The following TMEM178B variants were observed in gnomAD, a reference collection of about 807,000 sequenced individuals.
TMEM178B encodes transmembrane protein 178B.
A neutral mutation model predicts 31.0 loss-of-function variants in TMEM178B; 5 were observed. The observed-to-expected ratio is 0.16, with a 90% CI of 0.08 to 0.34. TMEM178B has a LOEUF of 0.34. Among genes scored for constraint, TMEM178B ranks in the 10% least tolerant of loss-of-function variants. The pLI, the probability that TMEM178B is intolerant of heterozygous loss-of-function variation, is 1.00. For synonymous variants in TMEM178B, 164 were observed against 164.0 expected (o/e 1.00, Z 0.00); for missense variants, 275 against 400.3 (o/e 0.69, Z 2.67).
At chr7:141,337,562 G>A (rs73518790) in intron 2 of TMEM178B, among the ~76,000 whole-genome samples, 1 of 152,126 alleles carries the variant, frequency 6.6e-6, no homozygotes, top group Non-Finnish European at 1.5e-5. Flanking sequence ...TAAGTTTAAG[G>A]CCTAGAGATA....
chr7:141,366,541 G>A (rs182423545), intron 2 of TMEM178B, among the ~76,000 whole-genome samples: 1 of 152,250 alleles, frequency 6.6e-6, no homozygotes, highest in East Asian at 1.9e-4. Context: ...ATTTGCTTTG[G>A]GGAGGGGCTT....
chr7:141,463,739 G>A (rs1802101529), intron 3 of TMEM178B, among the ~76,000 whole-genome samples: 1 of 152,234 alleles, frequency 6.6e-6, no homozygotes, highest in African/African-American at 2.4e-5. Flanking sequence ...AAGGCCCTGA[G>A]GTAGGGCAAC....
intron 1 of TMEM178B, among the ~76,000 whole-genome samples, chr7:141,084,777 C>T (rs1341781187): frequency 3.3e-5 from 5 of 152,140 alleles, no homozygotes. Flanking sequence ...TAAATCATAT[C>T]ATATCAGAGA....
In TMEM178B at chr7:141,195,510, C is replaced by T. The variant is rs190740341; in HGVS notation, c.383-17081C>T. 2.2e-3 allele frequency among the ~76,000 whole-genome samples: 331 copies of T among 152,310 alleles called. 1 individual carries two copies. Among genetic ancestry groups the T allele is most frequent in the African/African-American group, 7.3e-3 (305 of 41,568 alleles). On this transcript the variant is annotated intron_variant, in intron 1 of 3. Transcript: ENST00000565468. The stretch of plus-strand genomic sequence containing the variant: ...CATCTGAGACCACCTCAGCGTGGAC[C>T]TTATTGTTCATATCACTATCGGCAT...
rs2116517734 is a variant in TMEM178B, at chr7:141,344,785, G to T, written c.497-92823G>T. Among the ~76,000 whole-genome samples the T allele has an allele frequency of 6.6e-6, 1 of 152,302 alleles. No individual in the cohort carries two copies. Among genetic ancestry groups the T allele is most frequent in the African/African-American group, 2.4e-5 (1 of 41,562 alleles). On this transcript the variant is annotated intron_variant, in intron 2 of 3. Transcript: ENST00000565468. The surrounding 1 kb of genome is among the most constrained non-coding windows in gnomAD (Gnocchi z 4.1). ...TTTGAATACTACTGGGGCTTGTAAA[G>T]ATTTCAAACTTTTGGAACTCAGAAC...
intron 1 of TMEM178B, among the ~76,000 whole-genome samples, chr7:141,104,817 C>T (rs1795115864): frequency 6.6e-6 from 1 of 152,102 alleles, no homozygotes; most frequent in Admixed American, 6.5e-5. Context: ...TATAAGGACA[C>T]CAGTTGTATT....
the TMEM178B span, among the ~76,000 whole-genome samples, chr7:141,507,191 C>T: frequency 6.6e-6 from 1 of 152,106 alleles, no homozygotes. Context: ...GAACAGTGGC[C>T]CTCTTCTTAC....
rs1282506870 is a variant in TMEM178B at position 141,477,997 on chromosome 7, G to T, written c.*7211G>T. On this transcript the variant is annotated 3_prime_UTR_variant, in exon 4 of 4. Coordinates refer to ENST00000565468, the MANE Select transcript of TMEM178B (RefSeq NM_001195278.2). ...CTGCACTGGGCTGGGGTAGGAGAAA[G>T]AGCATCCAAGGAGATGATGTGTGAA... 2 of 152,434 alleles carry T rather than the reference G, an allele frequency of 1.3e-5. No individual in the cohort carries two copies. Among genetic ancestry groups the T allele is most frequent in the Non-Finnish European group, 2.9e-5 (2 of 68,128 alleles). The allele number at this position is 152,434 out of a possible 1,614,324, so 9.4% of individuals were successfully genotyped here.
At chr7:141,499,640 A>T in the TMEM178B span, among the ~76,000 whole-genome samples, 27 of 152,134 alleles carry the variant, frequency 1.8e-4, no homozygotes, top group African/African-American at 6.5e-4. Flanking sequence ...CCCTGTCTTA[A>T]AAAAACCAAC....
intron 1 of TMEM178B, among the ~76,000 whole-genome samples, chr7:141,120,253 A>G (rs1203293613): frequency 6.6e-6 from 1 of 152,212 alleles, no homozygotes; most frequent in Non-Finnish European, 1.5e-5. Flanking sequence ...AAGGAAGGAA[A>G]TGGTAATATG....
intron 2 of TMEM178B, among the ~76,000 whole-genome samples, chr7:141,252,660 C>G (rs1031964293): frequency 2.6e-5 from 4 of 152,196 alleles, no homozygotes; most frequent in Non-Finnish European, 4.4e-5. Context: ...TGTGTTATTA[C>G]TAATTCTACA....
At chr7:141,325,806 A>G (rs1429723755) in intron 2 of TMEM178B, among the ~76,000 whole-genome samples, 2 of 137,512 alleles carry the variant, frequency 1.5e-5, no homozygotes, top group African/African-American at 6.0e-5. Context: ...TTGATTAGTC[A>G]TGGAAGACAG....
chr7:141,257,499 C>T (rs6972265), intron 2 of TMEM178B, among the ~76,000 whole-genome samples: 3,774 of 152,092 alleles, frequency 0.025, 135 homozygotes, highest in African/African-American at 0.084. Context: ...TTCCACAGTT[C>T]GCAGCTTTTT....
At chr7:141,107,111 G>T (rs748447700) in intron 1 of TMEM178B, among the ~76,000 whole-genome samples, 1 of 152,238 alleles carries the variant, frequency 6.6e-6, no homozygotes, top group Non-Finnish European at 1.5e-5. Context: ...GGAGGGGGAA[G>T]AGAGAGGAAG....
intron 2 of TMEM178B, among the ~76,000 whole-genome samples, chr7:141,281,513 G>A (rs1383354152): frequency 1.3e-5 from 2 of 152,218 alleles, no homozygotes; most frequent in Non-Finnish European, 2.9e-5. Context: ...GGACTGCAGG[G>A]CGTGATACTG....
intron 1 of TMEM178B, among the ~76,000 whole-genome samples, chr7:141,181,587 A>G (rs1048612101): frequency 6.6e-6 from 1 of 152,176 alleles, no homozygotes; most frequent in Non-Finnish European, 1.5e-5. Flanking sequence ...TTAACATTGC[A>G]TTTCTTTGCA....
In TMEM178B at chr7:141,476,645, C is replaced by T. The variant is rs1420018259; in HGVS notation, c.*5859C>T. ...AACATATGAATTCATATAAGGAAGC[C>T]CTTTAGATGGTACATTCACTAAGAC... On this transcript the variant is annotated 3_prime_UTR_variant, in exon 4 of 4. Coordinates refer to ENST00000565468, the MANE Select transcript of TMEM178B (RefSeq NM_001195278.2). 6.6e-6 allele frequency: 1 copy of T among 152,108 alleles called. No individual in the cohort carries two copies. Among genetic ancestry groups the T allele is most frequent in the Non-Finnish European group, 1.5e-5 (1 of 68,024 alleles). The allele number at this position is 152,108 out of a possible 1,614,324, so 9.4% of individuals were successfully genotyped here. A position where few individuals can be genotyped will look rare whatever the true frequency, so the allele number is the denominator to read the frequency against.
intron 2 of TMEM178B, among the ~76,000 whole-genome samples, chr7:141,349,947 G>GCATCCATC (rs1799685750): frequency 6.6e-6 from 1 of 151,058 alleles, no homozygotes; most frequent in Non-Finnish European, 1.5e-5. Context: ...ATCCATCCAT[G>GCATCCATC]CATCCATGCA....
In TMEM178B at chr7:141,471,588, ACTTTGGGCGGTTTC is replaced by A. The variant is rs1235881398; in HGVS notation, c.*807_*820del. On this transcript the variant is annotated 3_prime_UTR_variant, in exon 4 of 4. Transcript: ENST00000565468. The surrounding 1 kb of genome is among the most constrained non-coding windows in gnomAD (Gnocchi z 4.1). Reference sequence around the variant, plus strand: ...TGTGTGTGGGTGTGCGTGCATGTGTACTTTGGGCGGTTTCCTTTTTTTCTTTTCTACCTTTTAAA... The same window carrying A: ...TGTGTGTGGGTGTGCGTGCATGTGTACTTTTTTTCTTTTCTACCTTTTAAA... The A allele has an allele frequency of 4.0e-5, 6 of 148,256 alleles. No homozygotes were observed. The highest frequency in any genetic ancestry group is 7.4e-5 in the Non-Finnish European group (5 of 67,260). The allele number at this position is 148,256 out of a possible 1,614,324, so 9.2% of individuals were successfully genotyped here. A position where few individuals can be genotyped will look rare whatever the true frequency, so the allele number is the denominator to read the frequency against.
Sources: allele counts gnomAD v4.1 joint callset (sites outside exome capture counted in the v4.1 genomes callset), GRCh38; gene constraint gnomAD v4.1.1; non-coding constraint Gnocchi (gnomAD v3.1); transcripts MANE v1.5; gene names NCBI Gene and HGNC (gene_info 2026-07-23, HGNC 2026-07-21).